The following FAM241A variants were observed in gnomAD, a reference collection of about 807,000 sequenced individuals.
FAM241A encodes uncharacterized protein FAM241A.
A neutral mutation model predicts 12.2 loss-of-function variants in FAM241A; 7 were observed. The ratio of observed to expected loss-of-function variants is 0.58; its 90% confidence interval spans 0.33 to 1.08. The LOEUF (loss-of-function observed/expected upper bound fraction) is 1.08. Ranked by LOEUF, FAM241A falls within the 50% of genes least tolerant of loss-of-function variation. The probability of loss-of-function intolerance (pLI) is 0.04; values close to 1 mark genes in which losing one functional copy is unlikely to be tolerated. For synonymous variants in FAM241A, 74 were observed against 68.2 expected, an observed-to-expected ratio of 1.08 and a Z score of -0.42; for missense variants, 161 against 169.7, an observed-to-expected ratio of 0.95 and a Z score of 0.29.
intron 1 of FAM241A, among the ~76,000 whole-genome samples, chr4:112,180,794 T>G (rs1433630483): frequency 2.0e-5 from 3 of 152,112 alleles, no homozygotes; most frequent in Middle Eastern, 6.3e-3. Context: ...AGTACGGAAA[T>G]AGATTCTCTT....
intron 1 of FAM241A, among the ~76,000 whole-genome samples, chr4:112,170,174 T>C (rs1723687698): frequency 6.6e-6 from 1 of 152,208 alleles, no homozygotes; most frequent in Admixed American, 6.5e-5. Context: ...AAGGCAGCCT[T>C]TCCATGATCG....
chr4:112,192,680 C>T lies in FAM241A; in HGVS notation c.*5742C>T, dbSNP rs1724190877. On this transcript the variant is annotated 3_prime_UTR_variant, in exon 2 of 2. Transcript: ENST00000309733. ...GTCCCTACAAAGGACATGAACTCAT[C>T]CTTTTTTATGGCTGCATAGTATTCC... The T allele has an allele frequency of 6.6e-6, 1 of 151,410 alleles. No homozygotes were observed. Among genetic ancestry groups the T allele is most frequent in the South Asian group, 2.1e-4 (1 of 4,776 alleles). 9.4% of individuals were successfully genotyped at this position (151,410 alleles called of 1,614,324 possible). A position where few individuals can be genotyped will look rare whatever the true frequency, so the allele number is the denominator to read the frequency against.
At chr4:112,169,810 A>G (rs1185722838) in intron 1 of FAM241A, among the ~76,000 whole-genome samples, 1 of 152,208 alleles carries the variant, frequency 6.6e-6, no homozygotes, top group South Asian at 2.1e-4. Context: ...GACTAAATAT[A>G]TAACTAATCC....
At chr4:112,163,264 C>T (rs1359835867) in intron 1 of FAM241A, among the ~76,000 whole-genome samples, 2 of 152,152 alleles carry the variant, frequency 1.3e-5, no homozygotes, top group Non-Finnish European at 2.9e-5. Flanking sequence ...GACTTCATGA[C>T]TAAAACACCA....
At chr4:112,154,074 T>G (rs1187939615) in intron 1 of FAM241A, among the ~76,000 whole-genome samples, 1 of 152,212 alleles carries the variant, frequency 6.6e-6, no homozygotes, top group Non-Finnish European at 1.5e-5. Context: ...AGTTTGATGT[T>G]GCATGATTGC....
At chr4:112,165,066 A>C (rs1156453944) in intron 1 of FAM241A, among the ~76,000 whole-genome samples, 5 of 152,182 alleles carry the variant, frequency 3.3e-5, no homozygotes, top group Admixed American at 3.3e-4. Flanking sequence ...GCACCACCGC[A>C]CTCCAGCCTG....
rs1431548052 is a variant in FAM241A, at chr4:112,190,073, T to C, written c.*3135T>C. On this transcript the variant is annotated 3_prime_UTR_variant, in exon 2 of 2. Transcript: ENST00000309733. ...TCATGGTTATCTTCTGACCAACAAATCTCTATTTAATCATGTTTTGACCAC... is the reference window on the plus strand; with the variant it reads ...TCATGGTTATCTTCTGACCAACAAACCTCTATTTAATCATGTTTTGACCAC... 7 of 152,130 alleles carry C rather than the reference T, an allele frequency of 4.6e-5. No individual in the cohort carries two copies. The highest frequency in any genetic ancestry group is 3.9e-4 in the Admixed American group (6 of 15,274). 9.4% of individuals were successfully genotyped at this position (152,130 alleles called of 1,614,324 possible). A position where few individuals can be genotyped will look rare whatever the true frequency, so the allele number is the denominator to read the frequency against.
intron 1 of FAM241A, among the ~76,000 whole-genome samples, chr4:112,146,916 C>T (rs776431849): frequency 5.9e-5 from 9 of 152,172 alleles, no homozygotes; most frequent in Non-Finnish European, 1.2e-4. Context: ...GGATTCCCTT[C>T]CTAGTGGTTT....
At chr4:112,147,622 A>G (rs1173251151) in intron 1 of FAM241A, among the ~76,000 whole-genome samples, 1 of 152,236 alleles carries the variant, frequency 6.6e-6, no homozygotes, top group East Asian at 1.9e-4. Flanking sequence ...AAGATATTTG[A>G]GGAAGAAATG....
intron 1 of FAM241A, among the ~76,000 whole-genome samples, chr4:112,162,762 C>T (rs1207486507): frequency 1.3e-5 from 2 of 152,142 alleles, no homozygotes; most frequent in Non-Finnish European, 2.9e-5. Flanking sequence ...TCAGTGCCAT[C>T]CCCATCAAGC....
intron 1 of FAM241A, among the ~76,000 whole-genome samples, chr4:112,158,853 T>C (rs1279403393): frequency 1.3e-5 from 2 of 152,154 alleles, no homozygotes; most frequent in African/African-American, 4.8e-5. Flanking sequence ...ATTCAAATAT[T>C]CTCTTCTAGC....
chr4:112,160,204 C>G (rs1020112906), intron 1 of FAM241A, among the ~76,000 whole-genome samples: 2 of 152,032 alleles, frequency 1.3e-5, no homozygotes, highest in African/African-American at 4.8e-5. Context: ...GTCAGGAGTT[C>G]AAGACCAGTC....
intron 1 of FAM241A, among the ~76,000 whole-genome samples, chr4:112,156,221 A>G (rs967866777): frequency 6.6e-6 from 1 of 152,270 alleles, no homozygotes; most frequent in Middle Eastern, 3.4e-3. Context: ...AGTAGCATAG[A>G]TAGATCAATT....
intron 1 of FAM241A, among the ~76,000 whole-genome samples, chr4:112,169,751 G>A (rs769161502): frequency 6.6e-6 from 1 of 152,192 alleles, no homozygotes; most frequent in Non-Finnish European, 1.5e-5. Context: ...TAGTTGAAAT[G>A]GTAGACACTA....
chr4:112,180,918 T>A (rs1030262063), intron 1 of FAM241A, among the ~76,000 whole-genome samples: 12 of 152,186 alleles, frequency 7.9e-5, no homozygotes, highest in African/African-American at 2.9e-4. Context: ...ATGGAAGCAA[T>A]AGAAAACTAA....
rs1221953299 is a variant in FAM241A, at chr4:112,189,729, T to C, written c.*2791T>C. Reference sequence around the variant, plus strand: ...TGTGCTGGAGCAAGCTTGCACTGGCTTACAAGAGCCAACTGTGAACATTTT... The same window carrying C: ...TGTGCTGGAGCAAGCTTGCACTGGCCTACAAGAGCCAACTGTGAACATTTT... On this transcript the variant is annotated 3_prime_UTR_variant, in exon 2 of 2. Transcript: ENST00000309733. 6.6e-6 allele frequency: 1 copy of C among 152,232 alleles called. No homozygotes were observed. The highest frequency in any genetic ancestry group is 2.4e-5 in the African/African-American group (1 of 41,460). The allele number at this position is 152,232 out of a possible 1,614,324, so 9.4% of individuals were successfully genotyped here.
chr4:112,193,583 A>C lies in FAM241A; in HGVS notation c.*6645A>C, dbSNP rs1490497058. 1 of 152,200 alleles carries C rather than the reference A, an allele frequency of 6.6e-6. No individual in the cohort carries two copies. Among genetic ancestry groups the C allele is most frequent in the Non-Finnish European group, 1.5e-5 (1 of 68,034 alleles). The allele number at this position is 152,200 out of a possible 1,614,324, so 9.4% of individuals were successfully genotyped here. ...CTACATATGGCTAGCCAGTTTTCCC[A>C]GCACCATTTATTCAATAGGGAATCC... On this transcript the variant is annotated 3_prime_UTR_variant, in exon 2 of 2. Coordinates refer to ENST00000309733, the MANE Select transcript of FAM241A (RefSeq NM_152400.3).
rs574316231 is a variant in FAM241A, at chr4:112,154,432, T to A, written c.153+8699T>A. On this transcript the variant is annotated intron_variant, in intron 1 of 1. Coordinates refer to ENST00000309733, the MANE Select transcript of FAM241A (RefSeq NM_152400.3). The stretch of plus-strand genomic sequence containing the variant: ...ACAGGTGCATACTACCATGCCTGGC[T>A]AATTTTTGTATTTTTAGTAGAGATG... 3.3e-5 allele frequency among the ~76,000 whole-genome samples: 5 copies of A among 152,204 alleles called. No homozygotes were observed. In the South Asian group the frequency reaches 1.0e-3, roughly 32 times the overall value.
intron 1 of FAM241A, among the ~76,000 whole-genome samples, chr4:112,155,885 T>G (rs2110421806): frequency 6.6e-6 from 1 of 152,294 alleles, no homozygotes; most frequent in South Asian, 2.1e-4. Context: ...AAATTTGATA[T>G]CAAACCTTAT....
Sources: gnomAD v4.1 joint callset for allele counts (sites outside exome capture counted in the v4.1 genomes callset) on GRCh38, gnomAD v4.1.1 for gene constraint, MANE v1.5 for transcripts, NCBI Gene and HGNC (gene_info 2026-07-23, HGNC 2026-07-21) for gene names.